Variants in SIK3 observed in about 807,000 individuals in gnomAD.
SIK3 encodes the protein SIK family kinase 3.
A neutral mutation model predicts 144.2 loss-of-function variants in SIK3; 28 were observed. The ratio of observed to expected loss-of-function variants is 0.19; its 90% CI spans 0.14 to 0.27. The LOEUF (loss-of-function observed/expected upper bound fraction) is 0.27. SIK3 is among the 10% of genes least tolerant of loss of function. The probability of loss-of-function intolerance (pLI) is 1.00; values close to 1 mark genes in which losing one functional copy is unlikely to be tolerated. For synonymous variants in SIK3, 686 were observed against 676.3 expected (o/e 1.01, Z -0.22); for missense variants, 1,319 against 1,776.0 (o/e 0.74, Z 4.62).
At chr11:116,924,020 G>A (rs1310633625) in intron 4 of SIK3, among the ~76,000 whole-genome samples, 3 of 152,114 alleles carry the variant, frequency 2.0e-5, no homozygotes, top group East Asian at 1.9e-4. Context: ...GGTGGCTCAC[G>A]CCTATAATCC....
intron 1 of SIK3, among the ~76,000 whole-genome samples, chr11:117,089,383 G>C (rs925824976): frequency 4.6e-5 from 7 of 150,582 alleles, no homozygotes; most frequent in African/African-American, 1.7e-4. Context: ...CTCCAGCCTG[G>C]GCAACAGAGT....
At chr11:116,979,578 G>A (rs138036663) in intron 1 of SIK3, among the ~76,000 whole-genome samples, 94 of 152,274 alleles carry the variant, frequency 6.2e-4, no homozygotes, top group African/African-American at 1.9e-3. Context: ...TGGGTGCAGT[G>A]GCTCATGCCT....
chr11:116,871,289 C>T (rs1196278286), intron 13 of SIK3, among the ~76,000 whole-genome samples: 2 of 152,048 alleles, frequency 1.3e-5, no homozygotes, highest in African/African-American at 4.8e-5. Flanking sequence ...TGGCTAATTA[C>T]AAAACAAAAC....
chr11:117,023,373 A>G (rs1951851537), intron 1 of SIK3, among the ~76,000 whole-genome samples: 1 of 150,432 alleles, frequency 6.6e-6, no homozygotes, highest in African/African-American at 2.4e-5. Context: ...CTGAACTAAT[A>G]TTGCAGGAAG....
chr11:116,907,121 C>T (rs1238992300), intron 4 of SIK3, among the ~76,000 whole-genome samples: 5 of 152,120 alleles, frequency 3.3e-5, no homozygotes, highest in African/African-American at 9.7e-5. Flanking sequence ...CGCTACAGCA[C>T]CTTGTATTTA....
chr11:116,964,421 A>G (rs1275056349), intron 1 of SIK3, among the ~76,000 whole-genome samples: 3 of 152,196 alleles, frequency 2.0e-5, no homozygotes, highest in Non-Finnish European at 4.4e-5. Flanking sequence ...TATACACACC[A>G]ATCACAACTG....
chr11:116,888,541 G>T (rs764736417), intron 6 of SIK3, among the ~76,000 whole-genome samples: 14 of 152,194 alleles, frequency 9.2e-5, no homozygotes, highest in Admixed American at 4.6e-4. Context: ...TTTCTGCTAT[G>T]CCTTATCCTT....
chr11:116,955,911 T>C (rs571326068), intron 2 of SIK3, among the ~76,000 whole-genome samples: 2 of 152,332 alleles, frequency 1.3e-5, no homozygotes, highest in Admixed American at 6.5e-5. Context: ...TATCACAACA[T>C]GTTTTCTTTT....
intron 1 of SIK3, among the ~76,000 whole-genome samples, chr11:117,005,082 A>G (rs1027941743): frequency 6.6e-6 from 1 of 152,162 alleles, no homozygotes; most frequent in Non-Finnish European, 1.5e-5. Context: ...TATCATTGAG[A>G]TCAGTTTTTA....
At chr11:117,045,962 T>C (rs76972960) in intron 1 of SIK3, among the ~76,000 whole-genome samples, 13,622 of 152,286 alleles carry the variant, frequency 0.089, 801 homozygotes, top group South Asian at 0.16. Flanking sequence ...AGGTCATACG[T>C]TCTGTGGCAG....
At chr11:116,934,798 G>A (rs891849017) in intron 3 of SIK3, among the ~76,000 whole-genome samples, 33 of 152,272 alleles carry the variant, frequency 2.2e-4, no homozygotes, top group Middle Eastern at 3.4e-3. Context: ...GCCAGGCATA[G>A]GCCGGGCGCG....
intron 1 of SIK3, among the ~76,000 whole-genome samples, chr11:116,965,784 A>AT (rs1949521535): frequency 1.2e-5 from 1 of 85,348 alleles, no homozygotes; most frequent in African/African-American, 5.4e-5. Flanking sequence ...TATATATATA[A>AT]ATTAGCCAAA....
chr11:116,929,392 A>G (rs569982095), intron 3 of SIK3, among the ~76,000 whole-genome samples: 1 of 152,342 alleles, frequency 6.6e-6, no homozygotes, highest in Non-Finnish European at 1.5e-5. Context: ...TCTGGCAGTA[A>G]ATACTAATTA....
chr11:117,042,273 G>C lies in SIK3; in HGVS notation c.273+55870C>G, dbSNP rs1952778068. Among the ~76,000 whole-genome samples, 4 of 152,244 alleles carry C rather than the reference G, an allele frequency of 2.6e-5. No homozygotes were observed. The South Asian group carries it at 8.3e-4, about 32-fold the overall frequency. On this transcript the variant is annotated intron_variant, in intron 1 of 24. Coordinates refer to ENST00000445177, the MANE Select transcript of SIK3 (RefSeq NM_001366686.3). ...AATCTCTGGAAGTTAAAACCTATTT[G>C]CAGACAGGTCCTATATGTTCTCATT... is the stretch of plus-strand genomic sequence containing the variant.
At chr11:116,870,063 G>T in intron 14 of SIK3, 1 of 1,392,700 alleles carries the variant, frequency 7.2e-7, no homozygotes. Context: ...GAAGGCAGGG[G>T]ACAAGGAAGA....
At chr11:116,982,292 CTT>C (rs11397827) in intron 1 of SIK3, among the ~76,000 whole-genome samples, 2 of 141,478 alleles carry the variant, frequency 1.4e-5, no homozygotes, top group Non-Finnish European at 1.5e-5. Flanking sequence ...TGAAATGATG[CTT>C]TTTTTTTTTT....
At chr11:116,979,534 C>T (rs1286795334) in intron 1 of SIK3, among the ~76,000 whole-genome samples, 1 of 151,998 alleles carries the variant, frequency 6.6e-6, no homozygotes, top group East Asian at 1.9e-4. Context: ...TAAACAAAAG[C>T]AATTTGGGTC....
intron 6 of SIK3, among the ~76,000 whole-genome samples, chr11:116,894,886 T>C (rs982982781): frequency 4.6e-5 from 7 of 152,206 alleles, no homozygotes; most frequent in African/African-American, 1.7e-4. Flanking sequence ...CTGGTGTCCC[T>C]CCTTCAGCCT....
intron 1 of SIK3, among the ~76,000 whole-genome samples, chr11:116,960,979 C>T (rs1484170463): frequency 1.3e-5 from 2 of 152,164 alleles, no homozygotes; most frequent in Admixed American, 1.3e-4. Context: ...AGCAAAATAG[C>T]TAACAATTTG....
Sources: gnomAD v4.1 joint callset for allele counts (sites outside exome capture counted in the v4.1 genomes callset) on GRCh38, gnomAD v4.1.1 for gene constraint, MANE v1.5 for transcripts, NCBI Gene and HGNC (gene_info 2026-07-23, HGNC 2026-07-21) for gene names.